The following QRICH1 variants were observed in gnomAD, a reference collection of about 807,000 sequenced individuals.
QRICH1 encodes glutamine rich 1, also known as transcriptional regulator QRICH1.
A neutral mutation model predicts 87.1 loss-of-function variants in QRICH1; 16 were observed. That is an observed-to-expected ratio of 0.18 (90% confidence interval 0.12 to 0.28). The LOEUF (loss-of-function observed/expected upper bound fraction) is 0.28. Ranked by LOEUF, QRICH1 falls within the 10% of genes least tolerant of loss-of-function variation. The pLI, the probability that QRICH1 is intolerant of heterozygous loss-of-function variation, is 1.00. For synonymous variants in QRICH1, 367 were observed against 368.4 expected (o/e 1.00, Z 0.05); for missense variants, 647 against 951.7 (o/e 0.68, Z 4.21).
chr3:49,036,561 T>A (rs1170990988), intron 6 of QRICH1, among the ~76,000 whole-genome samples: 1 of 152,136 alleles, frequency 6.6e-6, no homozygotes, highest in African/African-American at 2.4e-5. Context: ...CAGCTGAATC[T>A]CATTAAATAC....
intron 3 of QRICH1, among the ~76,000 whole-genome samples, chr3:49,049,227 G>A (rs140746601): frequency 3.3e-4 from 50 of 151,212 alleles, no homozygotes; most frequent in African/African-American, 1.0e-3. Flanking sequence ...TTAATGTCCA[G>A]CCACAGTTGA....
Position 49,057,066 on chromosome 3 carries a change from G to T in QRICH1, c.1134C>A (p.Thr378=), listed in dbSNP as rs746343157. 5 of 1,614,172 alleles carry T rather than the reference G, an allele frequency of 3.1e-6. No homozygotes were observed. Among genetic ancestry groups the T allele is most frequent in the Non-Finnish European group, 4.2e-6 (5 of 1,180,026 alleles). ...GTGCTGGAAAGAGAGAGTTTGCAAG[G>T]GTCTGCACTACCTCTTCATGGGAGT... ...VKNSHEEVVQ[T]LANSLFPAQF... is the part of the protein sequence containing the mutation. The change falls in exon 3 of 10, where the codon ACC becomes ACA. Residue 378 remains threonine (T), a synonymous_variant. Coordinates refer to ENST00000395443, the MANE Select transcript of QRICH1 (RefSeq NM_198880.3). The surrounding 1 kb of genome is among the most constrained non-coding windows in gnomAD (Gnocchi z 5.4).
intron 3 of QRICH1, among the ~76,000 whole-genome samples, chr3:49,049,726 G>A (rs888231397): frequency 3.3e-5 from 5 of 151,212 alleles, no homozygotes; most frequent in African/African-American, 7.3e-5. Context: ...TCAAACTCCC[G>A]ACCTCAGGTG....
intron 1 of QRICH1, among the ~76,000 whole-genome samples, chr3:49,081,715 G>GT (rs1436434488): frequency 6.6e-6 from 1 of 152,086 alleles, no homozygotes; most frequent in Non-Finnish European, 1.5e-5. Flanking sequence ...TGCCCACGCT[G>GT]TTCTCAAACT....
intron 3 of QRICH1, among the ~76,000 whole-genome samples, chr3:49,049,148 C>T (rs987152887): frequency 5.3e-5 from 8 of 151,960 alleles, no homozygotes; most frequent in Non-Finnish European, 7.4e-5. Flanking sequence ...GACTGATCTG[C>T]CCGCCTTGGC....
chr3:49,053,378 C>T (rs1055526384), intron 3 of QRICH1, among the ~76,000 whole-genome samples: 12 of 150,646 alleles, frequency 8.0e-5, no homozygotes, highest in African/African-American at 2.9e-4. Context: ...GTCCCAGCTA[C>T]TCGGGAGGCT....
chr3:49,046,005 TC>T (rs1000240148), intron 5 of QRICH1, among the ~76,000 whole-genome samples: 1 of 151,650 alleles, frequency 6.6e-6, no homozygotes. Context: ...AACCTCTACC[TC>T]CCGGGTTCAA....
intron 1 of QRICH1, among the ~76,000 whole-genome samples, chr3:49,077,771 T>A (rs529702012): frequency 2.4e-4 from 36 of 152,290 alleles, no homozygotes; most frequent in Admixed American, 2.1e-3. Flanking sequence ...AAGGATTAAA[T>A]AAGGCATTTA....
intron 1 of QRICH1, chr3:49,086,884 TC>T (rs2042175867): frequency 6.6e-6 from 1 of 152,204 alleles, no homozygotes; most frequent in Non-Finnish European, 1.5e-5. Context: ...GAACCTTACC[TC>T]TTCCTTGGGC....
intron 2 of QRICH1, among the ~76,000 whole-genome samples, chr3:49,074,976 C>T (rs1459918537): frequency 6.6e-6 from 1 of 152,032 alleles, no homozygotes; most frequent in African/African-American, 2.4e-5. Flanking sequence ...GAGACTCCAT[C>T]TTAAATAAAA....
intron 1 of QRICH1, among the ~76,000 whole-genome samples, chr3:49,078,316 C>T (rs2041990751): frequency 6.6e-6 from 1 of 151,848 alleles, no homozygotes; most frequent in East Asian, 1.9e-4. Context: ...GAATAGCTCA[C>T]CCATGGTAGT....
intron 6 of QRICH1, among the ~76,000 whole-genome samples, chr3:49,041,185 G>A (rs1350119123): frequency 1.3e-5 from 2 of 152,062 alleles, no homozygotes; most frequent in Non-Finnish European, 2.9e-5. Context: ...GGCCAGGCTG[G>A]TCTTGAACTC....
At chr3:49,072,650 C>T (rs1052927985) in intron 2 of QRICH1, among the ~76,000 whole-genome samples, 1 of 152,066 alleles carries the variant, frequency 6.6e-6, no homozygotes, top group Non-Finnish European at 1.5e-5. Context: ...AAGCTCATGC[C>T]AACAATTGAG....
intron 1 of QRICH1, among the ~76,000 whole-genome samples, chr3:49,092,678 G>A (rs2042299047): frequency 6.6e-6 from 1 of 152,032 alleles, no homozygotes; most frequent in Non-Finnish European, 1.5e-5. Context: ...AAAAAGAGGT[G>A]CCTATTTCTC....
At chr3:49,063,749 G>A (rs900049713) in intron 2 of QRICH1, among the ~76,000 whole-genome samples, 4 of 152,174 alleles carry the variant, frequency 2.6e-5, no homozygotes, top group South Asian at 4.1e-4. Context: ...TGAACGGCAC[G>A]TGCCACTGTA....
chr3:49,063,848 A>T (rs1490997007), intron 2 of QRICH1, among the ~76,000 whole-genome samples: 1 of 152,348 alleles, frequency 6.6e-6, no homozygotes, highest in Admixed American at 6.5e-5. Context: ...ACTTGTTTAC[A>T]TAGGTTATAT....
intron 6 of QRICH1, 36 bp downstream of exon 6, chr3:49,044,354 G>A (rs950524300): frequency 6.8e-7 from 1 of 1,468,510 alleles, no homozygotes; most frequent in Non-Finnish European, 9.4e-7. Flanking sequence ...TTAAATCCAG[G>A]TAGGAAAGAT....
At chr3:49,031,941 C>A (rs2106809032) in intron 9 of QRICH1, among the ~76,000 whole-genome samples, 1 of 152,324 alleles carries the variant, frequency 6.6e-6, no homozygotes, top group South Asian at 2.1e-4. Flanking sequence ...TACCTTCATA[C>A]CCTTTTCATG....
At chr3:49,047,655 A>G (rs1252281814) in intron 3 of QRICH1, among the ~76,000 whole-genome samples, 3 of 151,808 alleles carry the variant, frequency 2.0e-5, no homozygotes, top group Non-Finnish European at 2.9e-5. Flanking sequence ...AGCTAATTTT[A>G]TAATTTTAGT....
Sources: gnomAD v4.1 joint callset for allele counts (sites outside exome capture counted in the v4.1 genomes callset) on GRCh38, gnomAD v4.1.1 for gene constraint, Gnocchi (gnomAD v3.1) non-coding constraint, MANE v1.5 for transcripts, NCBI Gene and HGNC (gene_info 2026-07-23, HGNC 2026-07-21) for gene names.